DOP1A: variants seen among roughly 807,000 people sequenced by gnomAD.
DOP1A encodes protein DOP1A.
A neutral mutation model predicts 267.6 loss-of-function variants in DOP1A; 90 were observed. That is an observed-to-expected ratio of 0.34 (90% confidence interval 0.28 to 0.40). DOP1A has a LOEUF of 0.40. Among genes scored for constraint, DOP1A ranks in the 10% least tolerant of loss-of-function variants. DOP1A has a pLI of 1.00. For synonymous variants in DOP1A, 932 were observed against 999.1 expected (o/e 0.93, Z 1.27); for missense variants, 2,437 against 2,900.4 (o/e 0.84, Z 3.67).
chr6:83,120,663 T>C lies in DOP1A; in HGVS notation c.991-20T>C, dbSNP rs1368894973. The C allele has an allele frequency of 1.3e-6, 2 of 1,542,022 alleles. No individual in the cohort carries two copies. Among genetic ancestry groups the C allele is most frequent in the South Asian group, 1.2e-5 (1 of 83,860 alleles). The stretch of plus-strand genomic sequence containing the variant: ...TGAATATGTTTACTTAAATGACCAG[T>C]GTACTTTCCTTTTTTAAAGGCAATG... On this transcript the variant is annotated intron_variant, in intron 9 of 38. Coordinates refer to ENST00000349129, the MANE Select transcript of DOP1A (RefSeq NM_015018.4).
intron 33 of DOP1A, among the ~76,000 whole-genome samples, chr6:83,154,734 C>A (rs553389012): frequency 1.1e-4 from 17 of 152,134 alleles, no homozygotes; most frequent in Non-Finnish European, 1.9e-4. Context: ...AATCACCCCC[C>A]ACCCCCTCTT....
At chr6:83,159,074 A>G (rs556992751) in intron 36 of DOP1A, among the ~76,000 whole-genome samples, 2 of 152,326 alleles carry the variant, frequency 1.3e-5, no homozygotes, top group South Asian at 4.1e-4. Flanking sequence ...TTTTACTTAC[A>G]CAAATTTATA....
intron 3 of DOP1A, among the ~76,000 whole-genome samples, chr6:83,098,410 A>G (rs1052455154): frequency 1.3e-5 from 2 of 152,192 alleles, no homozygotes; most frequent in Non-Finnish European, 2.9e-5. Context: ...TTTGGACACT[A>G]TCTACCTGGA....
intron 25 of DOP1A, among the ~76,000 whole-genome samples, chr6:83,145,892 CT>C (rs1780569956): frequency 1.3e-5 from 2 of 152,112 alleles, no homozygotes; most frequent in Admixed American, 6.6e-5. Flanking sequence ...TCATATGTAC[CT>C]CAAAGGTAGT....
chr6:83,078,755 T>C (rs1767570943), intron 1 of DOP1A, among the ~76,000 whole-genome samples: 1 of 152,106 alleles, frequency 6.6e-6, no homozygotes, highest in Non-Finnish European at 1.5e-5. Flanking sequence ...AGGGTGCCTA[T>C]GTTTTGTAGA....
At chr6:83,139,193 T>G in intron 21 of DOP1A, 31 bp downstream of exon 21, 3 of 1,531,402 alleles carry the variant, frequency 2.0e-6, no homozygotes, top group East Asian at 2.3e-5. Flanking sequence ...TTATTGGTAC[T>G]GACATTTTTC....
intron 35 of DOP1A, 34 bp from the exon 36 acceptor site, chr6:83,158,533 T>C: frequency 6.6e-7 from 1 of 1,504,746 alleles, no homozygotes; most frequent in Non-Finnish European, 9.2e-7. Flanking sequence ...AAATATCCAG[T>C]TTAAATAAAC....
chr6:83,108,578 A>G (rs1331288024), intron 4 of DOP1A, among the ~76,000 whole-genome samples: 1 of 152,216 alleles, frequency 6.6e-6, no homozygotes, highest in Non-Finnish European at 1.5e-5. Flanking sequence ...GGTCAGCCAG[A>G]TAGATAGTGA....
intron 10 of DOP1A, among the ~76,000 whole-genome samples, chr6:83,121,302 T>C (rs574628783): frequency 6.6e-6 from 1 of 151,924 alleles, no homozygotes; most frequent in African/African-American, 2.4e-5. Flanking sequence ...TCAAATTATA[T>C]ACAGATGTTT....
chr6:83,125,452 TTGGG>T (rs1420427367), intron 14 of DOP1A, 44 bp from the exon 15 acceptor site: 1 of 1,547,914 alleles, frequency 6.5e-7, no homozygotes, highest in Non-Finnish European at 8.9e-7. Flanking sequence ...AATGTAACTT[TTGGG>T]TTCCACATTG....
intron 1 of DOP1A, among the ~76,000 whole-genome samples, chr6:83,088,885 T>C (rs539981687): frequency 6.6e-6 from 1 of 152,340 alleles, no homozygotes; most frequent in South Asian, 2.1e-4. Context: ...GTTACATCTG[T>C]TAGATGGTAA....
intron 7 of DOP1A, among the ~76,000 whole-genome samples, chr6:83,116,712 G>A (rs1282393270): frequency 3.3e-5 from 5 of 152,114 alleles, no homozygotes; most frequent in African/African-American, 1.2e-4. Context: ...TCTGGAGGCT[G>A]AGGCAGGAGA....
Position 83,135,707 on chromosome 6 carries a change from A to G in DOP1A, c.2959A>G (p.Arg987Gly), listed in dbSNP as rs1366547353. 6.2e-7 allele frequency: 1 copy of G among 1,613,644 alleles called. No homozygotes were observed. The highest frequency in any genetic ancestry group is 8.5e-7 in the Non-Finnish European group (1 of 1,179,754). ...GQAWLNQVLQRHDIARVLEPL... is the reference protein window; with the variant it reads ...GQAWLNQVLQGHDIARVLEPL... ...AGCCTGGCTGAACCAAGTCCTACAA[A>G]GACATGATATTGCACGAGTTTTGGA... The change falls in exon 20 of 39, where the codon AGA (arginine) becomes GGA (glycine). Residue 987 changes from arginine (R) to glycine (G), a missense_variant. Arg to Gly is a moderately radical substitution (Grantham distance 125, BLOSUM62 -2). Around this residue, in one of 9 missense-constraint regions of DOP1A, gnomAD observed 878 missense variants for 992.9 expected, o/e 0.88. Transcript: ENST00000349129.
Position 83,129,486 on chromosome 6 carries a change from ACGTT to A in DOP1A, c.2321_2324del (p.Arg774LeufsTer20). On this transcript the variant is annotated frameshift_variant, in exon 16 of 39. Coordinates refer to ENST00000349129, the MANE Select transcript of DOP1A (RefSeq NM_015018.4). LOFTEE classifies it high-confidence loss of function. ...CTGAGGGGAACCATACATCAGAGTT[ACGTT>A]CTGAAAAATTGGAGACTGGTAAGGT... 1 of 1,534,160 alleles carries A rather than the reference ACGTT, an allele frequency of 6.5e-7. No homozygotes were observed. Among genetic ancestry groups the A allele is most frequent in the Non-Finnish European group, 8.7e-7 (1 of 1,148,760 alleles).
At chr6:83,068,271 G>A (rs1022783568) in intron 1 of DOP1A, among the ~76,000 whole-genome samples, 2 of 152,202 alleles carry the variant, frequency 1.3e-5, no homozygotes, top group Admixed American at 6.5e-5. Context: ...GTTCTCCGTG[G>A]GGCTTAGAAA....
intron 1 of DOP1A, among the ~76,000 whole-genome samples, chr6:83,090,173 G>C (rs1770083881): frequency 6.6e-6 from 1 of 152,162 alleles, no homozygotes; most frequent in Admixed American, 6.5e-5. Flanking sequence ...TCTATGTGCT[G>C]AGCACTCTGA....
At chr6:83,126,631 G>A (rs1010360345) in intron 15 of DOP1A, among the ~76,000 whole-genome samples, 6 of 152,098 alleles carry the variant, frequency 3.9e-5, no homozygotes, top group Non-Finnish European at 8.8e-5. Flanking sequence ...CCTGACCTAC[G>A]CTGGGGCTAA....
chr6:83,123,271 GA>G (rs1776637113), intron 12 of DOP1A, among the ~76,000 whole-genome samples: 1 of 150,092 alleles, frequency 6.7e-6, no homozygotes, highest in African/African-American at 2.5e-5. Flanking sequence ...TTGTAGAAAA[GA>G]TAGCAAATTT....
In DOP1A at chr6:83,096,784, C is replaced by T. The variant is rs1771591095; in HGVS notation, c.-93C>T. On this transcript the variant is annotated 5_prime_UTR_variant, in exon 2 of 39. Transcript: ENST00000349129. ...GGCTGTCTTTGAATACTTCCATGAC[C>T]CTGAACACTAGCTGAGGAGAGTTTC... is the stretch of plus-strand genomic sequence containing the variant. 1 of 531,252 alleles carries T rather than the reference C, an allele frequency of 1.9e-6. No individual in the cohort carries two copies. Among genetic ancestry groups the T allele is most frequent in the East Asian group, 2.9e-5 (1 of 34,536 alleles). 32.9% of individuals were successfully genotyped at this position (531,252 alleles called of 1,614,324 possible).
Sources: allele counts gnomAD v4.1 joint callset (sites outside exome capture counted in the v4.1 genomes callset), GRCh38; gene constraint gnomAD v4.1.1; regional missense constraint gnomAD v4.1.1; transcripts MANE v1.5; gene names NCBI Gene and HGNC (gene_info 2026-07-23, HGNC 2026-07-21).